PRR14L: variants seen among roughly 807,000 people sequenced by gnomAD.
PRR14L encodes the protein proline rich 14 like, also known as protein PRR14L.
Under a neutral mutation model 155.0 loss-of-function variants are expected in PRR14L, and 80 were observed. That is an observed-to-expected ratio of 0.52 (90% CI 0.43 to 0.62). The LOEUF (loss-of-function observed/expected upper bound fraction) is 0.62, where lower values mean the gene tolerates loss of function less well. PRR14L is among the 20% of genes least tolerant of loss of function. PRR14L has a pLI of 0.00. For missense variants in PRR14L, 2,469 were observed against 2,548.0 expected (o/e 0.97, Z 0.67); for synonymous variants, 883 against 916.0 (o/e 0.96, Z 0.65).
rs10154786 is a variant in PRR14L, at chr22:31,683,951, G to T, written c.*1576C>A. 0.018 allele frequency: 2,768 copies of T among 152,278 alleles called. 92 individuals are homozygous for T. The highest frequency in any genetic ancestry group is 0.061 in the African/African-American group (2,552 of 41,522). 9.4% of individuals were successfully genotyped at this position (152,278 alleles called of 1,614,324 possible). ...TAGAACTCTGACGGTTCCCATCGGCGGCTGCTCCATGCCAGTGGCTCCCAG... is the reference window on the plus strand; with the variant it reads ...TAGAACTCTGACGGTTCCCATCGGCTGCTGCTCCATGCCAGTGGCTCCCAG... On this transcript the variant is annotated 3_prime_UTR_variant, in exon 9 of 9. Coordinates refer to ENST00000327423, the MANE Select transcript of PRR14L (RefSeq NM_173566.3).
At position 31,712,535 on chromosome 22, in the gene PRR14L, C is replaced by A. The variant is rs1569498554; in HGVS notation, c.5304G>T (p.Leu1768Phe). The change falls in exon 4 of 9, where the codon TTG (leucine) becomes TTT (phenylalanine). Residue 1768 changes from leucine (L) to phenylalanine (F), a missense_variant. By Grantham distance (22) the Leu-to-Phe change is conservative. Coordinates refer to ENST00000327423, the MANE Select transcript of PRR14L (RefSeq NM_173566.3). ...TTGCCATCCCAGGGCAACCGTGGGA[C>A]AAGAAGAAAGAAAAGGTCCACTTGG... ...QPPKWTFSFFLSHGCPGMATF... is the reference protein window; with the variant it reads ...QPPKWTFSFFFSHGCPGMATF... 2 of 1,551,642 alleles carry A rather than the reference C, an allele frequency of 1.3e-6. No homozygotes were observed. Among genetic ancestry groups the A allele is most frequent in the Admixed American group, 3.9e-5 (2 of 50,980 alleles).
At chr22:31,699,869 G>C (rs1224162171) in intron 7 of PRR14L, among the ~76,000 whole-genome samples, 1 of 151,534 alleles carries the variant, frequency 6.6e-6, no homozygotes, top group Non-Finnish European at 1.5e-5. Flanking sequence ...CAGCTTCAAG[G>C]GTTTTTTTTT....
At chr22:31,698,659 G>A (rs755424939) in intron 7 of PRR14L, among the ~76,000 whole-genome samples, 1 of 152,100 alleles carries the variant, frequency 6.6e-6, no homozygotes, top group African/African-American at 2.4e-5. Context: ...GGTGGGTCAC[G>A]CCTGTAATCC....
rs1569499045 is a variant in PRR14L at position 31,716,702 on chromosome 22, A to C, written c.1137T>G (p.Ser379Arg). The C allele has an allele frequency of 6.4e-7, 1 of 1,551,604 alleles. No homozygotes were observed. The highest frequency in any genetic ancestry group is 1.4e-5 in the African/African-American group (1 of 72,970). Residue 379 changes from serine to arginine, a missense_variant, in exon 4 of 9, where the codon AGT becomes AGG. By Grantham distance (110) the Ser-to-Arg change is moderately radical (BLOSUM62 -1). Around this residue, in one of 2 missense-constraint regions of PRR14L, gnomAD observed 2,363 missense variants for 2,371.6 expected, o/e 1.00. Coordinates refer to ENST00000327423, the MANE Select transcript of PRR14L (RefSeq NM_173566.3). ...LLKRSAEKTD[S>R]SYFYRGDDQG... is the part of the protein sequence containing the mutation. ...GATCATCCCCCCTATAAAAATAAGAACTGTCTGTCTTTTCAGCAGATCTCT... is the reference window on the plus strand; with the variant it reads ...GATCATCCCCCCTATAAAAATAAGACCTGTCTGTCTTTTCAGCAGATCTCT...
chr22:31,707,877 C>T (rs1293771851), intron 4 of PRR14L, among the ~76,000 whole-genome samples: 3 of 152,104 alleles, frequency 2.0e-5, no homozygotes, highest in East Asian at 3.9e-4. Flanking sequence ...AGGCCGGGCG[C>T]GGTGGCTTAC....
At chr22:31,691,584 C>A (rs2074511962) in intron 7 of PRR14L, among the ~76,000 whole-genome samples, 1 of 152,178 alleles carries the variant, frequency 6.6e-6, no homozygotes, top group Non-Finnish European at 1.5e-5. Context: ...CTCTCCCCTG[C>A]CACCCAGCAC....
intron 7 of PRR14L, among the ~76,000 whole-genome samples, chr22:31,701,281 C>G (rs1333709803): frequency 6.6e-6 from 1 of 152,112 alleles, no homozygotes; most frequent in Non-Finnish European, 1.5e-5. Flanking sequence ...AGCCACTGCA[C>G]CCGGCTTGGA....
At chr22:31,744,397 T>C (rs2074827436) in intron 1 of PRR14L, among the ~76,000 whole-genome samples, 1 of 152,184 alleles carries the variant, frequency 6.6e-6, no homozygotes, top group South Asian at 2.1e-4. Flanking sequence ...TCTCCCAAAG[T>C]GCTGGGATTA....
chr22:31,714,111 G>C lies in PRR14L; in HGVS notation c.3728C>G (p.Ser1243Cys). The change falls in exon 4 of 9, where the codon TCT (serine) becomes TGT (cysteine). Residue 1243 changes from serine to cysteine, a missense_variant. By Grantham distance (112) the Ser-to-Cys change is moderately radical (BLOSUM62 -1). Transcript: ENST00000327423. ...RSLKSIEIMPSQENSETNVNS... is the reference protein window; with the variant it reads ...RSLKSIEIMPCQENSETNVNS... ...AACATTAGTTTCTGAATTTTCTTGA[G>C]AAGGCATTATTTCAATGGATTTCAG... 1 of 1,550,570 alleles carries C rather than the reference G, an allele frequency of 6.4e-7. No homozygotes were observed. Among genetic ancestry groups the C allele is most frequent in the Non-Finnish European group, 8.7e-7 (1 of 1,146,800 alleles).
intron 5 of PRR14L, among the ~76,000 whole-genome samples, chr22:31,703,971 A>G (rs2074576691): frequency 6.6e-6 from 1 of 151,300 alleles, no homozygotes; most frequent in Non-Finnish European, 1.5e-5. Flanking sequence ...CTAATTCTGT[A>G]TTTTTAGTAG....
intron 4 of PRR14L, among the ~76,000 whole-genome samples, chr22:31,707,120 G>A (rs979164341): frequency 5.3e-5 from 8 of 151,920 alleles, no homozygotes; most frequent in African/African-American, 1.9e-4. Flanking sequence ...TGATGTTAAG[G>A]TATTTTTAGA....
intron 1 of PRR14L, among the ~76,000 whole-genome samples, chr22:31,741,211 C>T (rs2074811272): frequency 6.8e-6 from 1 of 146,868 alleles, no homozygotes; most frequent in African/African-American, 2.6e-5. Context: ...CGAGATTGCG[C>T]CACTGCACTC....
At chr22:31,725,963 C>G (rs962697799) in intron 2 of PRR14L, among the ~76,000 whole-genome samples, 4 of 151,990 alleles carry the variant, frequency 2.6e-5, no homozygotes, top group Non-Finnish European at 5.9e-5. Flanking sequence ...GCCACCACGC[C>G]TGGCTGAATA....
At chr22:31,747,706 G>T (rs903777696) in intron 1 of PRR14L, among the ~76,000 whole-genome samples, 1 of 151,462 alleles carries the variant, frequency 6.6e-6, no homozygotes, top group South Asian at 2.1e-4. Context: ...ATTACTCAAC[G>T]GCGTTTGAGG....
In PRR14L at chr22:31,717,239, T is replaced by C. The variant is rs1317622310; in HGVS notation, c.600A>G (p.Gln200=). 3 of 1,551,608 alleles carry C rather than the reference T, an allele frequency of 1.9e-6. No individual in the cohort carries two copies. The highest frequency in any genetic ancestry group is 2.6e-6 in the Non-Finnish European group (3 of 1,146,896). The change falls in exon 4 of 9, where the codon CAA becomes CAG. Residue 200 remains glutamine (Q), a synonymous_variant. Transcript: ENST00000327423. The stretch of plus-strand genomic sequence containing the variant: ...TCTTAGTCCCATTGACCTTCATACC[T>C]TGTACTTCGGCGGATTTTAGCAGAG... ...AETLLKSAEV[Q]GMKVNGTKTD...
At chr22:31,728,714 CAAAA>C (rs773127360) in intron 2 of PRR14L, among the ~76,000 whole-genome samples, 1 of 78,872 alleles carries the variant, frequency 1.3e-5, no homozygotes, top group African/African-American at 4.7e-5. Flanking sequence ...GACTCCATCT[CAAAA>C]AAAAAAAAAA....
At chr22:31,737,247 A>G (rs756530405) in intron 2 of PRR14L, among the ~76,000 whole-genome samples, 32 of 151,448 alleles carry the variant, frequency 2.1e-4, no homozygotes, top group Non-Finnish European at 4.0e-4. Context: ...TTGGGAGGCC[A>G]AGACGGTCGG....
rs540348802 is a variant in PRR14L at position 31,713,942 on chromosome 22, G to A, written c.3897C>T (p.Ser1299=). 16 of 1,551,536 alleles carry A rather than the reference G, an allele frequency of 1.0e-5. No individual in the cohort carries two copies. Among genetic ancestry groups the A allele is most frequent in the South Asian group, 7.1e-5 (6 of 84,058 alleles). Residue 1299 remains serine (S), a synonymous_variant, in exon 4 of 9, where the codon AGC becomes AGT. Coordinates refer to ENST00000327423, the MANE Select transcript of PRR14L (RefSeq NM_173566.3). ...CATTCTTTTCCACACAGGTACATAC[G>A]CTGTCTCTGTCACTAGAATTACTCC... ...RDWSNSSDRD[S]VCTCVEKNAC...
chr22:31,744,020 T>TA (rs750855516), intron 1 of PRR14L, among the ~76,000 whole-genome samples: 4,084 of 131,742 alleles, frequency 0.031, 83 homozygotes, highest in African/African-American at 0.059. Context: ...GCTCATTCAT[T>TA]AAAAAAAAAA....
Sources: allele counts gnomAD v4.1 joint callset (sites outside exome capture counted in the v4.1 genomes callset), GRCh38; gene constraint gnomAD v4.1.1; regional missense constraint gnomAD v4.1.1; transcripts MANE v1.5; gene names NCBI Gene and HGNC (gene_info 2026-07-23, HGNC 2026-07-21).